The following FUT2 variants were observed in gnomAD, a reference collection of about 807,000 sequenced individuals.
FUT2 encodes galactoside alpha-(1,2)-fucosyltransferase 2.
For missense variants in FUT2, 419 were observed against 465.8 expected, an observed-to-expected ratio of 0.90 and a Z score of 0.93; for synonymous variants, 182 against 193.1, an observed-to-expected ratio of 0.94 and a Z score of 0.48.
rs2032574104 is a variant in FUT2, at chr19:48,703,634, C to T, written c.678C>T (p.Ala226=). The part of the protein sequence containing the change: ...VVADRRYLQQ[A]LDWFRARYSS... ...CCGACCGGCGATACCTACAGCAGGC[C>T]CTGGACTGGTTCCGAGCTCGCTACA... The change falls in exon 2 of 2, where the codon GCC becomes GCT. Residue 226 remains alanine (A), a synonymous_variant. Transcript: ENST00000425340. 3 of 1,613,592 alleles carry T rather than the reference C, an allele frequency of 1.9e-6. No individual in the cohort carries two copies. The highest frequency in any genetic ancestry group is 1.3e-5 in the African/African-American group (1 of 75,050).
intron 1 of FUT2, among the ~76,000 whole-genome samples, chr19:48,700,168 AAAAAAAG>A (rs2032485684): frequency 6.6e-6 from 1 of 150,584 alleles, no homozygotes; most frequent in Non-Finnish European, 1.5e-5. Flanking sequence ...AAAAAAAAAA[AAAAAAAG>A]AAAAGGAAAA....
At chr19:48,700,010 A>G (rs1047660593) in intron 1 of FUT2, among the ~76,000 whole-genome samples, 2 of 151,554 alleles carry the variant, frequency 1.3e-5, no homozygotes, top group Admixed American at 6.6e-5. Flanking sequence ...AAAATTAGCC[A>G]GGTGTGGTGG....
At position 48,703,383 on chromosome 19, in the gene FUT2, G is replaced by T. The variant is rs1386781228; in HGVS notation, c.427G>T (p.Glu143Ter). ...GGAGGAATACCGCCACATCCCGGGG[G>T]AGTACGTCCGCTTCACCGGCTACCC... is the stretch of plus-strand genomic sequence containing the variant. ...MEEEYRHIPG[E>*]YVRFTGYPCS... is the part of the protein sequence containing the mutation. Residue 143 changes from glutamate (E) to a stop codon, truncating the protein, a stop_gained, in exon 2 of 2, where the codon GAG (glutamate) becomes TAG (stop). Transcript: ENST00000425340. LOFTEE classifies it low-confidence loss of function (END_TRUNC). 1.2e-6 allele frequency: 2 copies of T among 1,612,978 alleles called. No individual in the cohort carries two copies. Among genetic ancestry groups the T allele is most frequent in the African/African-American group, 2.7e-5 (2 of 74,920 alleles).
intron 1 of FUT2, among the ~76,000 whole-genome samples, chr19:48,699,524 A>C (rs2122211882): frequency 6.6e-6 from 1 of 152,070 alleles, no homozygotes; most frequent in African/African-American, 2.4e-5. Flanking sequence ...TCTATGGTTT[A>C]AACGCTACAT....
intron 1 of FUT2, 127 bp from the exon 2 acceptor site, chr19:48,702,828 T>C (rs2032538842): frequency 2.2e-6 from 2 of 893,226 alleles, no homozygotes; most frequent in African/African-American, 1.6e-5. Flanking sequence ...GTGCCAAGTA[T>C]TTACACACCT....
intron 1 of FUT2, among the ~76,000 whole-genome samples, chr19:48,702,514 T>C (rs556948226): frequency 3.9e-5 from 6 of 152,202 alleles, no homozygotes; most frequent in African/African-American, 1.4e-4. Flanking sequence ...ACACACATGC[T>C]GTGTTCACAA....
At chr19:48,702,922 C>T in intron 1 of FUT2, 33 bp from the exon 2 acceptor site, 2 of 1,609,906 alleles carry the variant, frequency 1.2e-6, no homozygotes, top group Non-Finnish European at 1.7e-6. Context: ...CTCCATCTCC[C>T]AGCTAACGTG....
Position 48,705,106 on chromosome 19 carries a change from C to CTTT in FUT2, c.*1120_*1122dup, listed in dbSNP as rs750075953. The CTTT allele has an allele frequency of 2.1e-3, 399 of 188,890 alleles. 55 individuals carry two copies. The highest frequency in any genetic ancestry group is 7.1e-3 in the African/African-American group (212 of 29,870). The allele number at this position is 188,890 out of a possible 1,614,324, so 11.7% of individuals were successfully genotyped here. A position where few individuals can be genotyped will look rare whatever the true frequency, so the allele number is the denominator to read the frequency against. ...GAGCTCACTGTTTTCTTTTCTTTTT[C>CTTT]TTTTCTTTTTTTTTTTTTTTTTGAG... On this transcript the variant is annotated 3_prime_UTR_variant, in exon 2 of 2. Coordinates refer to ENST00000425340, the MANE Select transcript of FUT2 (RefSeq NM_000511.6).
Position 48,703,249 on chromosome 19 carries a change from A to G in FUT2, c.293A>G (p.Gln98Arg). 2 of 1,613,124 alleles carry G rather than the reference A, an allele frequency of 1.2e-6. No homozygotes were observed. Among genetic ancestry groups the G allele is most frequent in the Admixed American group, 3.3e-5 (2 of 60,016 alleles). Reference sequence around the variant, plus strand: ...GGGCGGCCCGCCTTCATCCCGGCCCAGATGCACAGCACCCTGGCCCCCATC... The same window carrying G: ...GGGCGGCCCGCCTTCATCCCGGCCCGGATGCACAGCACCCTGGCCCCCATC... The part of the protein sequence containing the change: ...MNGRPAFIPA[Q>R]MHSTLAPIFR... The change falls in exon 2 of 2, where the codon CAG (glutamine) becomes CGG (arginine). Residue 98 changes from glutamine (Q) to arginine (R), a missense_variant. Coordinates refer to ENST00000425340, the MANE Select transcript of FUT2 (RefSeq NM_000511.6).
Position 48,703,175 on chromosome 19 carries a change from G to A in FUT2, c.219G>A (p.Gly73=), listed in dbSNP as rs2032551720. 1 of 1,613,488 alleles carries A rather than the reference G, an allele frequency of 6.2e-7. No homozygotes were observed. The change falls in exon 2 of 2, where the codon GGG becomes GGA. Residue 73 remains glycine, a synonymous_variant. Transcript: ENST00000425340. ...MWTINAIGRL[G]NQMGEYATLY... is the part of the protein sequence containing the mutation. ...CGATCAATGCAATAGGCCGCCTGGGGAACCAGATGGGCGAGTACGCCACAC... is the reference window on the plus strand; with the variant it reads ...CGATCAATGCAATAGGCCGCCTGGGAAACCAGATGGGCGAGTACGCCACAC...
At chr19:48,699,457 G>A (rs2032471985) in intron 1 of FUT2, among the ~76,000 whole-genome samples, 1 of 151,880 alleles carries the variant, frequency 6.6e-6, no homozygotes, top group South Asian at 2.1e-4. Context: ...TTTGGCTTCT[G>A]GAAGTTCTGG....
rs2032567861 is a variant in FUT2, at chr19:48,703,512, C to T, written c.556C>T (p.Gln186Ter). The change falls in exon 2 of 2, where the codon CAG becomes TAG. Residue 186 changes from glutamine (Q) to a stop codon, truncating the protein, a stop_gained. Transcript: ENST00000425340. LOFTEE classifies it low-confidence loss of function (END_TRUNC). ...GGCCCAGAAGTTCCTGCGGGGCCTG[C>T]AGGTGAACGGGAGCCGGCCGGGCAC... Reference protein sequence around the residue: ...EEAQKFLRGLQVNGSRPGTFV... With the variant: ...EEAQKFLRGL The T allele has an allele frequency of 1.9e-6, 3 of 1,613,000 alleles. No individual in the cohort carries two copies. Among genetic ancestry groups the T allele is most frequent in the Non-Finnish European group, 1.7e-6 (2 of 1,180,034 alleles).
chr19:48,701,813 T>G (rs1457171619), intron 1 of FUT2, among the ~76,000 whole-genome samples: 1 of 151,742 alleles, frequency 6.6e-6, no homozygotes, highest in Non-Finnish European at 1.5e-5. Flanking sequence ...ACCAACATGG[T>G]GAAACCCCGT....
intron 1 of FUT2, among the ~76,000 whole-genome samples, chr19:48,701,259 G>A (rs866279318): frequency 6.6e-6 from 1 of 151,930 alleles, no homozygotes; most frequent in South Asian, 2.1e-4. Context: ...CAATTCTCCT[G>A]CCTCAGCCTC....
chr19:48,698,108 T>G (rs2032448373), intron 1 of FUT2, among the ~76,000 whole-genome samples: 1 of 147,860 alleles, frequency 6.8e-6, no homozygotes, highest in African/African-American at 2.5e-5. Context: ...TTTTTATCCC[T>G]CCCCACAACC....
Position 48,703,870 on chromosome 19 carries a change from AC to A in FUT2, c.916del (p.Leu306TrpfsTer56), listed in dbSNP as rs779085660. 6.2e-7 allele frequency: 1 copy of A among 1,613,554 alleles called. No homozygotes were observed. The highest frequency in any genetic ancestry group is 1.3e-5 in the African/African-American group (1 of 75,012). Reference sequence around the variant, plus strand: ...TACCTCACGGGCGGAGACACCATCTACCTGGCCAATTACACCCTCCCCGACT... The same window carrying A: ...TACCTCACGGGCGGAGACACCATCTACTGGCCAATTACACCCTCCCCGACT... ...AAYLTGGDTI[Y>X]LANYTLPDSP... On this transcript the variant is annotated frameshift_variant, in exon 2 of 2. Coordinates refer to ENST00000425340, the MANE Select transcript of FUT2 (RefSeq NM_000511.6). LOFTEE classifies it high-confidence loss of function.
chr19:48,701,040 G>A (rs960719756), intron 1 of FUT2, among the ~76,000 whole-genome samples: 1 of 152,028 alleles, frequency 6.6e-6, no homozygotes, highest in Non-Finnish European at 1.5e-5. Context: ...ACTGCACGAA[G>A]TCCCCTGGTC....
In FUT2 at chr19:48,703,837, G is replaced by C. The variant is rs767509208; in HGVS notation, c.881G>C (p.Trp294Ser). 11 of 1,613,616 alleles carry C rather than the reference G, an allele frequency of 6.8e-6. No homozygotes were observed. In the South Asian group the frequency reaches 9.9e-5, roughly 15 times the overall value. The change falls in exon 2 of 2, where the codon TGG (tryptophan) becomes TCG (serine). Residue 294 changes from tryptophan (W) to serine (S), a missense_variant. Transcript: ENST00000425340. ...ATGACCATTGGGACGTTCGGGATCT[G>C]GGCCGCATACCTCACGGGCGGAGAC... ...TIMTIGTFGI[W>S]AAYLTGGDTI...
intron 1 of FUT2, among the ~76,000 whole-genome samples, chr19:48,702,305 G>T (rs2032530295): frequency 6.6e-6 from 1 of 152,016 alleles, no homozygotes; most frequent in Non-Finnish European, 1.5e-5. Context: ...TACTCGGGAG[G>T]CTAAGGCAGG....
Sources: allele counts gnomAD v4.1 joint callset (sites outside exome capture counted in the v4.1 genomes callset), GRCh38; gene constraint gnomAD v4.1.1; transcripts MANE v1.5; gene names NCBI Gene and HGNC (gene_info 2026-07-23, HGNC 2026-07-21).